Variants in KCNIP3 observed in about 807,000 individuals in gnomAD.
The protein encoded by KCNIP3 is potassium voltage-gated channel interacting protein 3.
In KCNIP3, 28 loss-of-function variants were observed where a neutral mutation model predicts 35.0. The ratio of observed to expected loss-of-function variants is 0.80; its 90% CI spans 0.59 to 1.10. The LOEUF (loss-of-function observed/expected upper bound fraction) is 1.10. KCNIP3 is among the 50% of genes least tolerant of loss of function. The pLI is 0.00. For missense variants in KCNIP3, 295 were observed against 338.4 expected (o/e 0.87, Z 1.01); for synonymous variants, 134 against 133.8 (o/e 1.00, Z -0.01).
intron 2 of KCNIP3, 69 bp from the exon 3 acceptor site, chr2:95,374,227 G>A: frequency 1.3e-6 from 2 of 1,576,924 alleles, no homozygotes; most frequent in Non-Finnish European, 1.7e-6. Flanking sequence ...CCATGCCCTG[G>A]CCACACTGGA....
At chr2:95,344,633 C>A (rs1363266432) in intron 2 of KCNIP3, among the ~76,000 whole-genome samples, 1 of 152,206 alleles carries the variant, frequency 6.6e-6, no homozygotes, top group Non-Finnish European at 1.5e-5. Flanking sequence ...GGTTGGAGGC[C>A]AGCCTCAGGA....
chr2:95,376,607 C>T lies in KCNIP3; in HGVS notation c.447+1399C>T, dbSNP rs1018892011. ...CTGGGCCTTCTGCAGCTTCTCTGCACGTGAAACGAAGTCCTCTGGCTTCAC... is the reference window on the plus strand; with the variant it reads ...CTGGGCCTTCTGCAGCTTCTCTGCATGTGAAACGAAGTCCTCTGGCTTCAC... On this transcript the variant is annotated intron_variant, in intron 5 of 8. Transcript: ENST00000295225. This position sits in a 1 kb window ranked among gnomAD's most constrained non-coding sequence, Gnocchi z 4.2. 3.3e-5 allele frequency among the ~76,000 whole-genome samples: 5 copies of T among 152,254 alleles called. No individual in the cohort carries two copies. Among genetic ancestry groups the T allele is most frequent in the African/African-American group, 9.6e-5 (4 of 41,468 alleles).
At chr2:95,305,099 C>T (rs905782805) in intron 1 of KCNIP3, among the ~76,000 whole-genome samples, 7 of 152,156 alleles carry the variant, frequency 4.6e-5, no homozygotes, top group Non-Finnish European at 7.3e-5. Flanking sequence ...TGGCTTCACT[C>T]GTCTCTGCCA....
intron 2 of KCNIP3, among the ~76,000 whole-genome samples, chr2:95,339,276 C>T (rs1437340782): frequency 6.6e-6 from 1 of 152,206 alleles, no homozygotes; most frequent in Non-Finnish European, 1.5e-5. Flanking sequence ...ATCTGATCAT[C>T]ATGCTTGTGG....
At chr2:95,364,636 T>C (rs1193723282) in intron 2 of KCNIP3, among the ~76,000 whole-genome samples, 1 of 152,112 alleles carries the variant, frequency 6.6e-6, no homozygotes, top group Admixed American at 6.5e-5. Context: ...AATCTGACTT[T>C]TATACAATTT....
At chr2:95,328,614 C>T (rs1321578764) in intron 2 of KCNIP3, among the ~76,000 whole-genome samples, 3 of 152,388 alleles carry the variant, frequency 2.0e-5, no homozygotes, top group African/African-American at 4.8e-5. Context: ...TGTGTGTGAG[C>T]GTGCTCACCG....
intron 2 of KCNIP3, among the ~76,000 whole-genome samples, chr2:95,328,499 C>T (rs2104241391): frequency 6.6e-6 from 1 of 152,290 alleles, no homozygotes; most frequent in South Asian, 2.1e-4. Flanking sequence ...ACTGATCTCA[C>T]AAAGGAAGTG....
chr2:95,328,140 C>G (rs926051865), intron 2 of KCNIP3, among the ~76,000 whole-genome samples: 20 of 152,348 alleles, frequency 1.3e-4, no homozygotes, highest in East Asian at 7.7e-4. Flanking sequence ...ATCTCACACA[C>G]GCAAGCCTGC....
chr2:95,362,154 T>C (rs1283479109), intron 2 of KCNIP3, among the ~76,000 whole-genome samples: 1 of 151,786 alleles, frequency 6.6e-6, no homozygotes, highest in South Asian at 2.1e-4. Flanking sequence ...TCACCCAGGC[T>C]GGAGCGCAGT....
intron 2 of KCNIP3, among the ~76,000 whole-genome samples, chr2:95,336,341 G>A (rs1255106351): frequency 6.6e-6 from 1 of 152,146 alleles, no homozygotes; most frequent in Non-Finnish European, 1.5e-5. Flanking sequence ...CCCAGACTCC[G>A]TATCAGTCAT....
chr2:95,370,991 A>G (rs1350611910), intron 2 of KCNIP3, among the ~76,000 whole-genome samples: 1 of 150,674 alleles, frequency 6.6e-6, no homozygotes, highest in Non-Finnish European at 1.5e-5. Context: ...CTGGTCTTGA[A>G]CTCCTGACCT....
chr2:95,342,143 C>T (rs897598557), intron 2 of KCNIP3, among the ~76,000 whole-genome samples: 7 of 152,190 alleles, frequency 4.6e-5, no homozygotes, highest in East Asian at 1.9e-4. Context: ...CTGGTAGCTG[C>T]GAGTGTGACC....
At chr2:95,365,247 C>T (rs373647024) in intron 2 of KCNIP3, among the ~76,000 whole-genome samples, 4 of 151,416 alleles carry the variant, frequency 2.6e-5, no homozygotes, top group East Asian at 2.0e-4. Context: ...CTGCAGCCTC[C>T]GCCTTCAGGG....
intron 2 of KCNIP3, among the ~76,000 whole-genome samples, chr2:95,350,999 G>A (rs1573506751): frequency 6.6e-6 from 1 of 152,240 alleles, no homozygotes; most frequent in East Asian, 1.9e-4. Flanking sequence ...GGAGTTGGGC[G>A]CAAGGCCTTC....
chr2:95,344,331 A>G (rs995150740), intron 2 of KCNIP3, among the ~76,000 whole-genome samples: 10 of 152,024 alleles, frequency 6.6e-5, no homozygotes, highest in Non-Finnish European at 1.3e-4. Flanking sequence ...TCCAAGTCCC[A>G]GGGAAGGGGA....
chr2:95,300,578 G>A (rs1464518053), intron 1 of KCNIP3, among the ~76,000 whole-genome samples: 1 of 24,282 alleles, frequency 4.1e-5, no homozygotes, highest in Non-Finnish European at 1.2e-4. Flanking sequence ...CCTGAGAGTC[G>A]GGGGAGGGCA....
chr2:95,340,921 A>G (rs1014725743), intron 2 of KCNIP3, among the ~76,000 whole-genome samples: 7 of 152,148 alleles, frequency 4.6e-5, no homozygotes, highest in African/African-American at 1.7e-4. Flanking sequence ...CTTATGATTT[A>G]AGCCAAGGAA....
In KCNIP3 at chr2:95,384,420, G is replaced by A. The variant is rs1680435150; in HGVS notation, c.*371G>A. ...CCCTGCAGGGGAGGGTCCAATCTCCGGTGTGAGCCCACCTCGTCCCGTTCT... is the reference window on the plus strand; with the variant it reads ...CCCTGCAGGGGAGGGTCCAATCTCCAGTGTGAGCCCACCTCGTCCCGTTCT... On this transcript the variant is annotated 3_prime_UTR_variant, in exon 9 of 9. Transcript: ENST00000295225. The A allele has an allele frequency of 2.7e-5, 8 of 298,708 alleles. No homozygotes were observed. The highest frequency in any genetic ancestry group is 1.0e-4 in the South Asian group (2 of 19,618). The allele number at this position is 298,708 out of a possible 1,614,324, so 18.5% of individuals were successfully genotyped here. A position where few individuals can be genotyped will look rare whatever the true frequency, so the allele number is the denominator to read the frequency against.
intron 1 of KCNIP3, among the ~76,000 whole-genome samples, chr2:95,301,929 T>C (rs568724122): frequency 8.5e-5 from 13 of 152,214 alleles, no homozygotes; most frequent in African/African-American, 2.9e-4. Flanking sequence ...TATGTGCATA[T>C]GTGCACACAT....
Sources: gnomAD v4.1 joint callset for allele counts (sites outside exome capture counted in the v4.1 genomes callset) on GRCh38, gnomAD v4.1.1 for gene constraint, Gnocchi (gnomAD v3.1) non-coding constraint, MANE v1.5 for transcripts, NCBI Gene and HGNC (gene_info 2026-07-23, HGNC 2026-07-21) for gene names.